SUGCT: variants seen among roughly 807,000 people sequenced by gnomAD.
The protein encoded by SUGCT is succinyl-CoA:glutarate-CoA transferase, also known as succinyl-CoA:glutarate CoA-transferase.
Under a neutral mutation model 55.0 loss-of-function variants are expected in SUGCT, and 41 were observed. The ratio of observed to expected loss-of-function variants is 0.74; its 90% CI spans 0.58 to 0.97. The LOEUF (loss-of-function observed/expected upper bound fraction) is 0.97. Ranked by LOEUF, SUGCT falls within the 50% of genes least tolerant of loss-of-function variation. The pLI, the probability that SUGCT is intolerant of heterozygous loss-of-function variation, is 0.00. For missense variants in SUGCT, 568 were observed against 547.8 expected, an observed-to-expected ratio of 1.04 and a Z score of -0.37; for synonymous variants, 187 against 200.4, an observed-to-expected ratio of 0.93 and a Z score of 0.56.
chr7:40,574,612 A>G (rs2151696403), intron 12 of SUGCT, among the ~76,000 whole-genome samples: 1 of 152,224 alleles, frequency 6.6e-6, no homozygotes, highest in South Asian at 2.1e-4. Context: ...CTGTATTTTT[A>G]GTAGAGACAG....
At chr7:40,164,069 C>T (rs1405481475) in intron 1 of SUGCT, among the ~76,000 whole-genome samples, 3 of 151,778 alleles carry the variant, frequency 2.0e-5, no homozygotes, top group Admixed American at 6.6e-5. Flanking sequence ...ATCTGTCCAC[C>T]TCGGCCCCCC....
At chr7:40,220,799 G>A (rs1341516320) in intron 6 of SUGCT, among the ~76,000 whole-genome samples, 1 of 152,038 alleles carries the variant, frequency 6.6e-6, no homozygotes, top group Non-Finnish European at 1.5e-5. Flanking sequence ...CTGAACCTGG[G>A]CTGACTCACC....
intron 13 of SUGCT, among the ~76,000 whole-genome samples, chr7:40,763,782 G>A (rs564689261): frequency 6.6e-6 from 1 of 152,244 alleles, no homozygotes; most frequent in Admixed American, 6.5e-5. Context: ...TTGAAGCTTT[G>A]TGTTATTTCT....
At chr7:40,263,251 G>A (rs1307123482) in intron 7 of SUGCT, among the ~76,000 whole-genome samples, 3 of 152,170 alleles carry the variant, frequency 2.0e-5, no homozygotes, top group Non-Finnish European at 4.4e-5. Context: ...TTGTAAAATA[G>A]TGATAATATT....
At chr7:40,579,395 C>T (rs976990371) in intron 12 of SUGCT, among the ~76,000 whole-genome samples, 2 of 152,098 alleles carry the variant, frequency 1.3e-5, no homozygotes, top group African/African-American at 4.8e-5. Flanking sequence ...AACTTGGGGC[C>T]ATTGAAAAGC....
chr7:40,986,385 T>C, the SUGCT span, among the ~76,000 whole-genome samples: 1 of 152,182 alleles, frequency 6.6e-6, no homozygotes, highest in African/African-American at 2.4e-5. Flanking sequence ...GAGCAAGTCT[T>C]CAGTGTTGAG....
chr7:40,907,999 T>G, the SUGCT span, among the ~76,000 whole-genome samples: 1 of 152,100 alleles, frequency 6.6e-6, no homozygotes, highest in Admixed American at 6.5e-5. Context: ...TTGTAAGATG[T>G]ATATGCAGAT....
At chr7:40,883,554 A>T in the SUGCT span, among the ~76,000 whole-genome samples, 1 of 152,188 alleles carries the variant, frequency 6.6e-6, no homozygotes, top group Admixed American at 6.5e-5. Context: ...TAATATAGCT[A>T]TTTATCTCAC....
chr7:40,490,824 A>G (rs570390119), intron 11 of SUGCT, among the ~76,000 whole-genome samples: 1 of 136,444 alleles, frequency 7.3e-6, no homozygotes, highest in South Asian at 2.1e-4. Flanking sequence ...TTGAAATGTG[A>G]ATTTTTTTTC....
At chr7:40,569,360 T>C (rs1438290305) in intron 12 of SUGCT, among the ~76,000 whole-genome samples, 4 of 152,182 alleles carry the variant, frequency 2.6e-5, no homozygotes, top group Non-Finnish European at 5.9e-5. Flanking sequence ...TCTCTTCCCA[T>C]GTGTCTTTGA....
chr7:40,893,813 C>T, the SUGCT span, among the ~76,000 whole-genome samples: 1 of 152,156 alleles, frequency 6.6e-6, no homozygotes, highest in Non-Finnish European at 1.5e-5. Flanking sequence ...GTAATCCCAG[C>T]ACTTTGGGAG....
intron 12 of SUGCT, among the ~76,000 whole-genome samples, chr7:40,563,157 C>T (rs1252867952): frequency 6.6e-6 from 1 of 152,084 alleles, no homozygotes; most frequent in Non-Finnish European, 1.5e-5. Flanking sequence ...GAGTGGTTGC[C>T]CAAAGACAGG....
At chr7:40,392,259 C>T (rs901550969) in intron 9 of SUGCT, among the ~76,000 whole-genome samples, 8 of 151,894 alleles carry the variant, frequency 5.3e-5, no homozygotes, top group Non-Finnish European at 7.4e-5. Flanking sequence ...GTTGTGCACA[C>T]GTACCCTAGA....
At chr7:41,037,162 T>A in the SUGCT span, among the ~76,000 whole-genome samples, 2 of 152,214 alleles carry the variant, frequency 1.3e-5, no homozygotes, top group African/African-American at 4.8e-5. Context: ...AGAAAGCCCT[T>A]CCTTTGGGAT....
Position 40,657,577 on chromosome 7 carries a change from C to T in SUGCT, c.1090-91857C>T, listed in dbSNP as rs111450807. ...GTGCAGTGGCGCAATCTCTGTCGCC[C>T]GGGCTGGGGTGCAATGGCGCAGTCT... On this transcript the variant is annotated intron_variant, in intron 12 of 13. Coordinates refer to ENST00000335693, the MANE Select transcript of SUGCT (RefSeq NM_001193313.2). Among the ~76,000 whole-genome samples, 734 of 151,988 alleles carry T rather than the reference C, an allele frequency of 4.8e-3. 3 individuals are homozygous for T. Among genetic ancestry groups the T allele is most frequent in the African/African-American group, 0.013 (533 of 41,454 alleles).
intron 12 of SUGCT, among the ~76,000 whole-genome samples, chr7:40,584,064 G>C (rs756173797): frequency 6.6e-6 from 1 of 152,134 alleles, no homozygotes; most frequent in Non-Finnish European, 1.5e-5. Flanking sequence ...GTCAAGAAAA[G>C]GTCATACAGT....
At chr7:40,800,043 G>A (rs1449515383) in intron 13 of SUGCT, among the ~76,000 whole-genome samples, 7 of 152,132 alleles carry the variant, frequency 4.6e-5, no homozygotes, top group African/African-American at 1.7e-4. Context: ...TGTGCTCCAA[G>A]CAGACGTTTG....
At chr7:40,409,264 T>C (rs559365452) in intron 9 of SUGCT, among the ~76,000 whole-genome samples, 1 of 107,794 alleles carries the variant, frequency 9.3e-6, no homozygotes, top group South Asian at 3.9e-4. Context: ...CTGTCTCTCT[T>C]TTTTATTTTT....
chr7:40,215,810 C>T (rs956170350), intron 6 of SUGCT, among the ~76,000 whole-genome samples: 47 of 150,850 alleles, frequency 3.1e-4, no homozygotes, highest in African/African-American at 1.0e-3. Context: ...TGCAGTGAGC[C>T]GAGATCGCGC....
Sources: gnomAD v4.1 joint callset for allele counts (sites outside exome capture counted in the v4.1 genomes callset) on GRCh38, gnomAD v4.1.1 for gene constraint, MANE v1.5 for transcripts, NCBI Gene and HGNC (gene_info 2026-07-23, HGNC 2026-07-21) for gene names.